The following ATAD3B variants were observed in gnomAD, a reference collection of about 807,000 sequenced individuals.
The protein encoded by ATAD3B is ATPase family AAA domain-containing protein 3B.
In ATAD3B, 59 loss-of-function variants were observed where a neutral mutation model predicts 70.2. The ratio of observed to expected loss-of-function variants is 0.84; its 90% confidence interval spans 0.68 to 1.04. The LOEUF (loss-of-function observed/expected upper bound fraction) is 1.04, where lower values mean the gene tolerates loss of function less well. Ranked by LOEUF, ATAD3B falls within the 50% of genes least tolerant of loss-of-function variation. The pLI, the probability that ATAD3B is intolerant of heterozygous loss-of-function variation, is 0.00. For synonymous variants in ATAD3B, 423 were observed against 388.6 expected (o/e 1.09, Z -1.04); for missense variants, 961 against 913.4 (o/e 1.05, Z -0.67).
At chr1:1,492,688 C>T (rs1640595647) in intron 15 of ATAD3B, among the ~76,000 whole-genome samples, 1 of 151,744 alleles carries the variant, frequency 6.6e-6, no homozygotes, top group South Asian at 2.1e-4. Flanking sequence ...GCCTCTAATC[C>T]CAGCACTTTG....
downstream of ATAD3B, among the ~76,000 whole-genome samples, chr1:1,502,506 CATTTTTT>C (rs1311195648): frequency 4.5e-3 from 506 of 113,692 alleles, 9 homozygotes; most frequent in African/African-American, 0.021. Context: ...CCGTGCCCAG[CATTTTTT>C]TTTTTTTTTT....
downstream of ATAD3B, among the ~76,000 whole-genome samples, chr1:1,500,323 C>T (rs1167520056): frequency 3.6e-4 from 54 of 150,630 alleles, no homozygotes; most frequent in East Asian, 5.9e-3. Flanking sequence ...GAGGCCGAGG[C>T]GGGCAGATCA....
downstream of ATAD3B, among the ~76,000 whole-genome samples, chr1:1,498,253 A>C (rs898092691): frequency 3.2e-4 from 48 of 152,030 alleles, 1 homozygote; most frequent in Non-Finnish European, 6.5e-4. Flanking sequence ...CAGTGAGCCA[A>C]GACCCCGCCA....
At chr1:1,493,909 A>G (rs1050947312) in intron 15 of ATAD3B, among the ~76,000 whole-genome samples, 2 of 151,870 alleles carry the variant, frequency 1.3e-5, no homozygotes, top group African/African-American at 4.8e-5. Flanking sequence ...GTCTGGCTTT[A>G]ATATGAGGGT....
chr1:1,496,049 G>C lies in ATAD3B; in HGVS notation c.*232G>C. 1 of 1,307,402 alleles carries C rather than the reference G, an allele frequency of 7.6e-7. No homozygotes were observed. The highest frequency in any genetic ancestry group is 9.7e-7 in the Non-Finnish European group (1 of 1,027,260). 81.0% of individuals were successfully genotyped at this position (1,307,402 alleles called of 1,614,324 possible). On this transcript the variant is annotated 3_prime_UTR_variant, in exon 16 of 16. Transcript: ENST00000673477. Reference sequence around the variant, plus strand: ...GGTGAGGGGGGGCCTGCCAGGACTAGACAGAAGTGGGGCGGCCTGAACCCT... The same window carrying C: ...GGTGAGGGGGGGCCTGCCAGGACTACACAGAAGTGGGGCGGCCTGAACCCT...
rs748523145 is a variant in ATAD3B, at chr1:1,495,564, AC to A, written c.1696del (p.Arg566AspfsTer7). 1.2e-6 allele frequency: 2 copies of A among 1,613,210 alleles called. No homozygotes were observed. The highest frequency in any genetic ancestry group is 2.2e-5 in the East Asian group (1 of 44,864). On this transcript the variant is annotated frameshift_variant, in exon 16 of 16. Transcript: ENST00000673477. LOFTEE classifies it low-confidence loss of function (END_TRUNC). Reference sequence around the variant, plus strand: ...TGTGTGCAAGATGCTGTCCAGCAGTACCGACAGAAGATGCGCTGGCTGAAGG... The same window carrying A: ...TGTGTGCAAGATGCTGTCCAGCAGTACGACAGAAGATGCGCTGGCTGAAGG... ...DACVQDAVQQYRQKMRWLKAE... is the reference protein window; with the variant it reads ...DACVQDAVQQXRQKMRWLKAE...
Position 1,489,207 on chromosome 1 carries a change from G to A in ATAD3B, c.1270G>A (p.Glu424Lys), listed in dbSNP as rs1428012511. The A allele has an allele frequency of 5.0e-6, 8 of 1,613,506 alleles. No individual in the cohort carries two copies. Among genetic ancestry groups the A allele is most frequent in the Non-Finnish European group, 5.9e-6 (7 of 1,179,592 alleles). Residue 424 changes from glutamate (E) to lysine (K), a missense_variant, in exon 13 of 16, where the codon GAG (glutamate) becomes AAG (lysine). By Grantham distance (56) the Glu-to-Lys change is moderately conservative. Around this residue, in one of 4 missense-constraint regions of ATAD3B, gnomAD observed 417 missense variants for 335.0 expected, o/e 1.24. Coordinates refer to ENST00000673477, the MANE Select transcript of ATAD3B (RefSeq NM_031921.6). ...DAFLRKRATEEISKDLRATLN... is the reference protein window; with the variant it reads ...DAFLRKRATEKISKDLRATLN... ...GGCTGGAACCTTCTCTCTGCAGGAG[G>A]AGATAAGCAAGGACCTCAGAGCCAC...
Position 1,490,180 on chromosome 1 carries a change from G to T in ATAD3B, c.1338-77G>T, listed in dbSNP as rs535537651. 91 of 1,565,756 alleles carry T rather than the reference G, an allele frequency of 5.8e-5. 2 individuals are homozygous for T. The South Asian group carries it at 9.2e-4, about 16-fold the overall frequency. On this transcript the variant is annotated intron_variant, in intron 13 of 15. Coordinates refer to ENST00000673477, the MANE Select transcript of ATAD3B (RefSeq NM_031921.6). ...TTCTCCCAAAAAGTCTCCCCGAGGG[G>T]GCTGAGGAGCCCCCGTTGCCCTCGG...
chr1:1,473,940 C>A (rs1363577861), intron 1 of ATAD3B, among the ~76,000 whole-genome samples: 1 of 152,022 alleles, frequency 6.6e-6, no homozygotes, highest in Admixed American at 6.6e-5. Flanking sequence ...TGGGGAACAT[C>A]CTGAGCTGAG....
At chr1:1,498,038 C>T (rs1336660394), downstream of ATAD3B, among the ~76,000 whole-genome samples, 1 of 151,504 alleles carries the variant, frequency 6.6e-6, no homozygotes, top group Non-Finnish European at 1.5e-5. Context: ...TGCCGTGGCT[C>T]ACTCCTGTAA....
intron 2 of ATAD3B, 168 bp from the exon 3 acceptor site, chr1:1,478,476 T>C: frequency 6.5e-7 from 1 of 1,547,480 alleles, no homozygotes; most frequent in Non-Finnish European, 8.7e-7. Flanking sequence ...TCTGGATTCC[T>C]CCAGGGCCTG....
At chr1:1,489,519 A>T (rs1389236855) in intron 13 of ATAD3B, 2 of 973,848 alleles carry the variant, frequency 2.1e-6, no homozygotes, top group Non-Finnish European at 1.5e-6. Flanking sequence ...CCGCCGCCCC[A>T]GCTTGCAGGT....
In ATAD3B at chr1:1,486,040, C is replaced by T. The variant is rs745555735; in HGVS notation, c.964-70C>T. On this transcript the variant is annotated intron_variant, in intron 9 of 15. Coordinates refer to ENST00000673477, the MANE Select transcript of ATAD3B (RefSeq NM_031921.6). ...GAGCAGAGTCCGCACCCGGGCATTCCCGCAGCCCCTGTCACCGAGGCTTCC... is the reference window on the plus strand; with the variant it reads ...GAGCAGAGTCCGCACCCGGGCATTCTCGCAGCCCCTGTCACCGAGGCTTCC... The T allele has an allele frequency of 1.9e-5, 31 of 1,608,708 alleles. 1 individual carries two copies. Among genetic ancestry groups the T allele is most frequent in the African/African-American group, 8.0e-5 (6 of 74,752 alleles).
At chr1:1,501,097 T>C (rs1409854359), downstream of ATAD3B, among the ~76,000 whole-genome samples, 1 of 152,110 alleles carries the variant, frequency 6.6e-6, no homozygotes, top group Non-Finnish European at 1.5e-5. Flanking sequence ...ACTCTATTTT[T>C]TTATTTTTTG....
chr1:1,490,177 G>C, intron 13 of ATAD3B, 80 bp from the exon 14 acceptor site: 4 of 1,553,954 alleles, frequency 2.6e-6, no homozygotes, highest in East Asian at 2.3e-5. Flanking sequence ...GTCTCCCCGA[G>C]GGGGCTGAGG....
chr1:1,477,444 G>A lies in ATAD3B; in HGVS notation c.282+94G>A, dbSNP rs1041226193. ...CTGCTACTGGTGGGTAGGGCCAGGG[G>A]CGTGTACATGGGCAGCAGTGGGGCC... On this transcript the variant is annotated intron_variant, in intron 2 of 15. Transcript: ENST00000673477. 2.6e-5 allele frequency: 41 copies of A among 1,578,920 alleles called. 1 individual carries two copies. The highest frequency in any genetic ancestry group is 3.3e-5 in the Non-Finnish European group (38 of 1,157,856).
In ATAD3B at chr1:1,480,848, T is replaced by C. The variant is rs1639873333; in HGVS notation, c.445-19T>C. 6.3e-6 allele frequency: 10 copies of C among 1,593,548 alleles called. 2 individuals are homozygous for C. Among genetic ancestry groups the C allele is most frequent in the Non-Finnish European group, 8.5e-6 (10 of 1,171,516 alleles). Reference sequence around the variant, plus strand: ...TCTGGTTTTAAAGGCTTTTCTCTTTTTCTGCGGCTTCTTCTCAGCAACTTC... The same window carrying C: ...TCTGGTTTTAAAGGCTTTTCTCTTTCTCTGCGGCTTCTTCTCAGCAACTTC... On this transcript the variant is annotated intron_variant, in intron 4 of 15. Transcript: ENST00000673477.
rs1284459841 is a variant in ATAD3B, at chr1:1,477,335, A to G, written c.267A>G (p.Gln89=). ...QMQEQTLQLE[Q]QSKLKEYEAA... The stretch of plus-strand genomic sequence containing the variant: ...AGGAGCAGACGCTGCAGTTGGAGCA[A>G]CAGTCCAAGCTCAAAGTGAGTGGGG... The change falls in exon 2 of 16, where the codon CAA becomes CAG. Residue 89 remains glutamine (Q), a synonymous_variant. Transcript: ENST00000673477. 1.9e-6 allele frequency: 3 copies of G among 1,612,214 alleles called. No homozygotes were observed. The highest frequency in any genetic ancestry group is 1.7e-6 in the Non-Finnish European group (2 of 1,179,692).
Position 1,477,258 on chromosome 1 carries a change from C to A in ATAD3B, c.206-16C>A. On this transcript the variant is annotated splice_polypyrimidine_tract_variant and intron_variant, in intron 1 of 15. Coordinates refer to ENST00000673477, the MANE Select transcript of ATAD3B (RefSeq NM_031921.6). ...GTGTATCCTACACCTGCTCTCCGTG[C>A]CACATGCGCCCGCAGGTTACGCCAA... 1 of 1,611,978 alleles carries A rather than the reference C, an allele frequency of 6.2e-7. No homozygotes were observed. Among genetic ancestry groups the A allele is most frequent in the Non-Finnish European group, 8.5e-7 (1 of 1,179,442 alleles).
Sources: allele counts gnomAD v4.1 joint callset (sites outside exome capture counted in the v4.1 genomes callset), GRCh38; gene constraint gnomAD v4.1.1; regional missense constraint gnomAD v4.1.1; transcripts MANE v1.5; gene names NCBI Gene and HGNC (gene_info 2026-07-23, HGNC 2026-07-21).